Variants in CSNK1D observed in about 807,000 individuals in gnomAD.
The protein encoded by CSNK1D is casein kinase 1 delta.
A neutral mutation model predicts 46.6 loss-of-function variants in CSNK1D; 16 were observed. The observed-to-expected ratio is 0.34, with a 90% CI of 0.23 to 0.52. The LOEUF (loss-of-function observed/expected upper bound fraction) is 0.52. CSNK1D is among the 20% of genes least tolerant of loss of function. CSNK1D has a pLI of 0.95. For synonymous variants in CSNK1D, 276 were observed against 228.2 expected (o/e 1.21, Z -1.89); for missense variants, 398 against 578.4 (o/e 0.69, Z 3.20).
rs1599596814 is a variant in CSNK1D, at chr17:82,255,384, T to C, written c.336+45A>G. On this transcript the variant is annotated intron_variant, in intron 3 of 8. Transcript: ENST00000314028. The surrounding 1 kb of genome is among the most constrained non-coding windows in gnomAD (Gnocchi z 5.9). ...AACAGCACAAGCGAGTGGCTGATTC[T>C]ATCAGACAGCAAGTGTGTGCCAACT... The C allele has an allele frequency of 6.2e-7, 1 of 1,606,752 alleles. No homozygotes were observed.
chr17:82,241,927 A>G (rs2050746361), downstream of CSNK1D, among the ~76,000 whole-genome samples: 1 of 148,836 alleles, frequency 6.7e-6, no homozygotes, highest in South Asian at 2.1e-4. Flanking sequence ...CACCGTTCTT[A>G]GAGCAACCTC....
rs1861001310 is a variant in CSNK1D at position 82,244,844 on chromosome 17, A to G, written c.1198-13T>C. 1 of 1,613,670 alleles carries G rather than the reference A, an allele frequency of 6.2e-7. No individual in the cohort carries two copies. The highest frequency in any genetic ancestry group is 1.1e-5 in the South Asian group (1 of 91,092). On this transcript the variant is annotated splice_polypyrimidine_tract_variant and intron_variant, in intron 8 of 8. Coordinates refer to ENST00000314028, the MANE Select transcript of CSNK1D (RefSeq NM_001893.6). The stretch of plus-strand genomic sequence containing the variant: ...CCCGACCAGGAATCTGTCGGAGCCA[A>G]AGCACAGGAGAAGGTCAGCATGGGG...
At position 82,273,178 on chromosome 17, in the gene CSNK1D, G is replaced by T; in HGVS notation, c.76+128C>A. ...CTAGTGGCCGTTGGGTTCTGGCCACGATCCGGCGGTGCCGGGACTTGCGCG... is the reference window on the plus strand; with the variant it reads ...CTAGTGGCCGTTGGGTTCTGGCCACTATCCGGCGGTGCCGGGACTTGCGCG... On this transcript the variant is annotated intron_variant, in intron 1 of 8. Transcript: ENST00000314028. The surrounding 1 kb of genome is among the most constrained non-coding windows in gnomAD (Gnocchi z 5.1). The T allele has an allele frequency of 1.2e-6, 1 of 863,306 alleles. No homozygotes were observed. Among genetic ancestry groups the T allele is most frequent in the Non-Finnish European group, 1.7e-6 (1 of 592,986 alleles). The allele number at this position is 863,306 out of a possible 1,614,324, so 53.5% of individuals were successfully genotyped here.
chr17:82,251,344 C>G lies in CSNK1D; in HGVS notation c.885+35G>C. ...TCACTGACAAGCCATCCCCCGCACA[C>G]CACACTCAGCGAACGTGCTGGCAGT... On this transcript the variant is annotated intron_variant, in intron 6 of 8. Transcript: ENST00000314028. This position sits in a 1 kb window ranked among gnomAD's most constrained non-coding sequence, Gnocchi z 4.5. 6.2e-7 allele frequency: 1 copy of G among 1,613,592 alleles called. No homozygotes were observed. Among genetic ancestry groups the G allele is most frequent in the African/African-American group, 1.3e-5 (1 of 75,032 alleles).
chr17:82,243,382 C>T lies in CSNK1D; in HGVS notation c.*1399G>A. The T allele has an allele frequency of 3.0e-6, 3 of 985,582 alleles. No individual in the cohort carries two copies. The highest frequency in any genetic ancestry group is 3.6e-6 in the Non-Finnish European group (3 of 830,006). The allele number at this position is 985,582 out of a possible 1,614,324, so 61.1% of individuals were successfully genotyped here. The stretch of plus-strand genomic sequence containing the variant: ...GCCCTGCGCATTGGGGTTGGGAGCA[C>T]ATGGCCACTGGCTACCGCCCAAGTG... On this transcript the variant is annotated 3_prime_UTR_variant, in exon 9 of 9. Transcript: ENST00000314028.
intron 2 of CSNK1D, among the ~76,000 whole-genome samples, chr17:82,264,999 C>T (rs574838256): frequency 2.0e-5 from 3 of 151,922 alleles, no homozygotes; most frequent in African/African-American, 7.2e-5. Flanking sequence ...CGGGGTTTCA[C>T]TGTGTTAGCC....
intron 2 of CSNK1D, among the ~76,000 whole-genome samples, chr17:82,256,091 A>G (rs942542347): frequency 6.6e-6 from 1 of 152,226 alleles, no homozygotes; most frequent in African/African-American, 2.4e-5. Context: ...CTTTTTGGGG[A>G]TTTACACAGT....
rs755902210 is a variant in CSNK1D, at chr17:82,250,953, T to C, written c.885+426A>G. Reference sequence around the variant, plus strand: ...GAAAGCCACAGGGAAAATCAGCTCATGACAGGGTCAGTCAGGCTAGACGGG... The same window carrying C: ...GAAAGCCACAGGGAAAATCAGCTCACGACAGGGTCAGTCAGGCTAGACGGG... On this transcript the variant is annotated intron_variant, in intron 6 of 8. Coordinates refer to ENST00000314028, the MANE Select transcript of CSNK1D (RefSeq NM_001893.6). This position sits in a 1 kb window ranked among gnomAD's most constrained non-coding sequence, Gnocchi z 4.6. 1 of 279,960 alleles carries C rather than the reference T, an allele frequency of 3.6e-6. No individual in the cohort carries two copies. The highest frequency in any genetic ancestry group is 7.0e-6 in the Non-Finnish European group (1 of 142,580). The allele number at this position is 279,960 out of a possible 1,614,324, so 17.3% of individuals were successfully genotyped here.
chr17:82,263,401 G>T (rs1000562211), intron 2 of CSNK1D, among the ~76,000 whole-genome samples: 4 of 152,216 alleles, frequency 2.6e-5, no homozygotes, highest in African/African-American at 7.2e-5. Flanking sequence ...TGAAGGTGCA[G>T]GCTTCTTTAC....
Position 82,252,388 on chromosome 17 carries a change from A to C in CSNK1D, c.736+46T>G, listed in dbSNP as rs1393714572. Reference sequence around the variant, plus strand: ...GTCTCGGCACACCCGACACATATGCAACCCCTGTGAGCAGCTCCGCTGAGA... The same window carrying C: ...GTCTCGGCACACCCGACACATATGCCACCCCTGTGAGCAGCTCCGCTGAGA... On this transcript the variant is annotated intron_variant, in intron 5 of 8. Coordinates refer to ENST00000314028, the MANE Select transcript of CSNK1D (RefSeq NM_001893.6). This position sits in a 1 kb window ranked among gnomAD's most constrained non-coding sequence, Gnocchi z 4.6. The C allele has an allele frequency of 1.2e-6, 2 of 1,609,466 alleles. No individual in the cohort carries two copies. Among genetic ancestry groups the C allele is most frequent in the South Asian group, 2.2e-5 (2 of 90,962 alleles).
chr17:82,247,979 C>G (rs1177219533), intron 8 of CSNK1D: 1 of 985,096 alleles, frequency 1.0e-6, no homozygotes, highest in African/African-American at 1.8e-5. Context: ...CTACACCCAG[C>G]CCCGCTCACG....
Position 82,250,100 on chromosome 17 carries a change from A to G in CSNK1D, c.886-498T>C, listed in dbSNP as rs2050962127. 1 of 1,290,412 alleles carries G rather than the reference A, an allele frequency of 7.7e-7. No homozygotes were observed. Among genetic ancestry groups the G allele is most frequent in the Non-Finnish European group, 1.0e-6 (1 of 989,476 alleles). The allele number at this position is 1,290,412 out of a possible 1,614,324, so 79.9% of individuals were successfully genotyped here. A position where few individuals can be genotyped will look rare whatever the true frequency, so the allele number is the denominator to read the frequency against. The stretch of plus-strand genomic sequence containing the variant: ...CCTGTGCAGGTGTGGTGGCGTGGCC[A>G]GCAGCCGGCAGCCGGATCTGTGCTG... On this transcript the variant is annotated intron_variant, in intron 6 of 8. Coordinates refer to ENST00000314028, the MANE Select transcript of CSNK1D (RefSeq NM_001893.6). This position sits in a 1 kb window ranked among gnomAD's most constrained non-coding sequence, Gnocchi z 4.6.
chr17:82,255,301 G>C lies in CSNK1D; in HGVS notation c.336+128C>G. On this transcript the variant is annotated intron_variant, in intron 3 of 8. Transcript: ENST00000314028. The surrounding 1 kb of genome is among the most constrained non-coding windows in gnomAD (Gnocchi z 5.9). ...TGAGCTGAGCCACTGCAGCCTCAAG[G>C]CTGAGGCTCAGCAAATTTCCATTTC... is the stretch of plus-strand genomic sequence containing the variant. 8.7e-7 allele frequency: 1 copy of C among 1,155,652 alleles called. No individual in the cohort carries two copies. Among genetic ancestry groups the C allele is most frequent in the Non-Finnish European group, 1.3e-6 (1 of 777,882 alleles). 71.6% of individuals were successfully genotyped at this position (1,155,652 alleles called of 1,614,324 possible). A position where few individuals can be genotyped will look rare whatever the true frequency, so the allele number is the denominator to read the frequency against.
chr17:82,246,037 A>G (rs1215713419), intron 8 of CSNK1D: 1 of 1,609,026 alleles, frequency 6.2e-7, no homozygotes, highest in African/African-American at 1.3e-5. Flanking sequence ...AAGGAATGCT[A>G]TTCTGAGGTG....
In CSNK1D at chr17:82,247,099, G is replaced by C. The variant is rs151305429; in HGVS notation, c.1197+1776C>G. On this transcript the variant is annotated intron_variant, in intron 8 of 8. Transcript: ENST00000314028. ...CATGCCTCTCAGGAAGGCCCCCCAG[G>C]GTGTCCAGGAGCAGAGGCCAAGAGG... The C allele has an allele frequency of 4.3e-4, 422 of 985,438 alleles. 1 individual carries two copies. The African/African-American group carries it at 6.7e-3, about 16-fold the overall frequency. The allele number at this position is 985,438 out of a possible 1,614,324, so 61.0% of individuals were successfully genotyped here. A position where few individuals can be genotyped will look rare whatever the true frequency, so the allele number is the denominator to read the frequency against.
downstream of CSNK1D, among the ~76,000 whole-genome samples, chr17:82,242,289 C>CAAGCGACAGGGGGATCCCT (rs1375304776): frequency 6.6e-6 from 1 of 152,060 alleles, no homozygotes; most frequent in Non-Finnish European, 1.5e-5. Flanking sequence ...TTCAACAGCT[C>CAAGCGACAGGGGGATCCCT]AAGCGACAGG....
Position 82,252,699 on chromosome 17 carries a change from G to T in CSNK1D, c.566-95C>A. 7.9e-7 allele frequency: 1 copy of T among 1,265,482 alleles called. No individual in the cohort carries two copies. The highest frequency in any genetic ancestry group is 1.1e-6 in the Non-Finnish European group (1 of 896,360). 78.4% of individuals were successfully genotyped at this position (1,265,482 alleles called of 1,614,324 possible). On this transcript the variant is annotated intron_variant, in intron 4 of 8. Transcript: ENST00000314028. This position sits in a 1 kb window ranked among gnomAD's most constrained non-coding sequence, Gnocchi z 4.6. ...GCCGTTCCAGTGGAGACTAGCCTCA[G>T]ACACACATGCCCAGATCACTCCAGC...
At chr17:82,240,350 G>C (rs1368639924), downstream of CSNK1D, among the ~76,000 whole-genome samples, 1 of 152,188 alleles carries the variant, frequency 6.6e-6, no homozygotes, top group Non-Finnish European at 1.5e-5. Context: ...GAGGAGGTGG[G>C]GAGCAGGCAG....
In CSNK1D at chr17:82,249,879, A is replaced by G. The variant is rs1321049116; in HGVS notation, c.886-277T>C. ...GGCTCAGAACTTCCTTAAACTTCCA[A>G]ATGGGCAGCAGCTACCCCCTGCTGC... On this transcript the variant is annotated intron_variant, in intron 6 of 8. Transcript: ENST00000314028. This position sits in a 1 kb window ranked among gnomAD's most constrained non-coding sequence, Gnocchi z 6.7. 1.4e-6 allele frequency: 2 copies of G among 1,392,910 alleles called. No homozygotes were observed. The highest frequency in any genetic ancestry group is 5.5e-5 in the East Asian group (2 of 36,444). The allele number at this position is 1,392,910 out of a possible 1,614,324, so 86.3% of individuals were successfully genotyped here.
Sources: allele counts gnomAD v4.1 joint callset (sites outside exome capture counted in the v4.1 genomes callset), GRCh38; gene constraint gnomAD v4.1.1; non-coding constraint Gnocchi (gnomAD v3.1); transcripts MANE v1.5; gene names NCBI Gene and HGNC (gene_info 2026-07-23, HGNC 2026-07-21).